Variants in MAST4 observed in about 807,000 individuals in gnomAD.
The protein encoded by MAST4 is microtubule associated serine/threonine kinase family member 4, also known as microtubule-associated serine/threonine-protein kinase 4.
MAST4 carries 89 observed loss-of-function variants against 162.7 expected under a neutral mutation model. The observed-to-expected ratio is 0.55, with a 90% CI of 0.46 to 0.65. MAST4 has a LOEUF of 0.65. Among genes scored for constraint, MAST4 ranks in the 30% least tolerant of loss-of-function variants. The probability of loss-of-function intolerance (pLI) is 0.00; values close to 1 mark genes in which losing one functional copy is unlikely to be tolerated. For synonymous variants in MAST4, 1,479 were observed against 1,361.1 expected (o/e 1.09, Z -1.91); for missense variants, 3,153 against 3,374.0 (o/e 0.93, Z 1.62).
chr5:66,837,023 C>CGTGT (rs544483226), intron 3 of MAST4, among the ~76,000 whole-genome samples: 1,619 of 144,654 alleles, frequency 0.011, 17 homozygotes, highest in Non-Finnish European at 0.014. Context: ...CATGCAGGAT[C>CGTGT]ATGTGTGTGT....
At chr5:67,015,028 A>G (rs1278931159) in intron 4 of MAST4, among the ~76,000 whole-genome samples, 1 of 152,188 alleles carries the variant, frequency 6.6e-6, no homozygotes, top group Admixed American at 6.5e-5. Context: ...GGATATAGAG[A>G]CATTCCATGG....
intron 4 of MAST4, among the ~76,000 whole-genome samples, chr5:67,039,459 C>T (rs972813041): frequency 6.6e-6 from 1 of 152,154 alleles, no homozygotes; most frequent in Admixed American, 6.5e-5. Context: ...GCAGGGAATG[C>T]AGAATGAGTT....
chr5:66,647,372 C>T (rs1187246584), intron 1 of MAST4, among the ~76,000 whole-genome samples: 3 of 152,078 alleles, frequency 2.0e-5, no homozygotes, highest in Non-Finnish European at 4.4e-5. Context: ...TCCTTGAGTA[C>T]GACATCAAAA....
chr5:67,116,459 G>A (rs1271149493), intron 12 of MAST4, among the ~76,000 whole-genome samples: 1 of 151,564 alleles, frequency 6.6e-6, no homozygotes, highest in Non-Finnish European at 1.5e-5. Context: ...GTCTGCCTCG[G>A]CCTCCCAAAG....
intron 1 of MAST4, among the ~76,000 whole-genome samples, chr5:66,742,572 GGAAGAC>G (rs1226569753): frequency 6.6e-6 from 1 of 152,138 alleles, no homozygotes; most frequent in Non-Finnish European, 1.5e-5. Flanking sequence ...GGGGCTGCCT[GGAAGAC>G]TCAAGGGACT....
chr5:66,851,147 C>T lies in MAST4; in HGVS notation c.643-48804C>T, dbSNP rs75987493. Among the ~76,000 whole-genome samples the T allele has an allele frequency of 6.4e-3, 967 of 152,282 alleles. 11 individuals are homozygous for T. Among genetic ancestry groups the T allele is most frequent in the African/African-American group, 0.022 (927 of 41,546 alleles). On this transcript the variant is annotated intron_variant, in intron 3 of 28. Coordinates refer to ENST00000403625, the MANE Select transcript of MAST4 (RefSeq NM_001164664.2). ...ATGGGATTTTAGCACAATATTCCAT[C>T]TTGGCCCTGTTTATTGTAAGAGCCA...
At chr5:66,995,900 C>T (rs970177119) in intron 4 of MAST4, among the ~76,000 whole-genome samples, 2 of 151,718 alleles carry the variant, frequency 1.3e-5, no homozygotes, top group African/African-American at 4.8e-5. Context: ...CACACACACA[C>T]ACACACACAC....
At chr5:66,961,523 GA>G (rs1335498440) in intron 4 of MAST4, among the ~76,000 whole-genome samples, 1 of 152,172 alleles carries the variant, frequency 6.6e-6, no homozygotes, top group Non-Finnish European at 1.5e-5. Flanking sequence ...TTAGGTGTGA[GA>G]CATCAAATAT....
intron 3 of MAST4, among the ~76,000 whole-genome samples, chr5:66,795,969 G>A (rs1755626976): frequency 6.6e-6 from 1 of 152,194 alleles, no homozygotes; most frequent in South Asian, 2.1e-4. Context: ...TACCCTCTGA[G>A]CTAGGTTCTG....
intron 4 of MAST4, among the ~76,000 whole-genome samples, chr5:67,002,820 C>G (rs1489925254): frequency 3.3e-5 from 5 of 151,910 alleles, no homozygotes; most frequent in Non-Finnish European, 5.9e-5. Flanking sequence ...AATTTTTGCT[C>G]TAAACCAGTG....
chr5:66,664,132 G>T (rs932650169), intron 1 of MAST4, among the ~76,000 whole-genome samples: 33 of 152,020 alleles, frequency 2.2e-4, no homozygotes, highest in African/African-American at 7.7e-4. Flanking sequence ...AGAAGAGAAG[G>T]TGCTGAAAAT....
At chr5:66,823,714 C>T (rs572198365) in intron 3 of MAST4, among the ~76,000 whole-genome samples, 4 of 152,146 alleles carry the variant, frequency 2.6e-5, no homozygotes, top group Admixed American at 2.0e-4. Flanking sequence ...CGGCTGGTCT[C>T]GAACTCCTGA....
intron 3 of MAST4, among the ~76,000 whole-genome samples, chr5:66,891,183 C>G (rs1762340016): frequency 6.6e-6 from 1 of 152,178 alleles, no homozygotes; most frequent in African/African-American, 2.4e-5. Flanking sequence ...CCGAAAGGCC[C>G]TCAGTGCTTT....
At chr5:66,896,527 T>C (rs992950152) in intron 3 of MAST4, among the ~76,000 whole-genome samples, 4 of 152,232 alleles carry the variant, frequency 2.6e-5, no homozygotes, top group Non-Finnish European at 4.4e-5. Context: ...AGTATCTACA[T>C]GTATTATTTG....
chr5:67,070,779 A>AGG (rs1760861110), intron 5 of MAST4, among the ~76,000 whole-genome samples: 1 of 152,180 alleles, frequency 6.6e-6, no homozygotes. Flanking sequence ...GTATGATAGC[A>AGG]AGATAGGCAG....
intron 1 of MAST4, among the ~76,000 whole-genome samples, chr5:66,631,732 G>A (rs1486337439): frequency 6.6e-6 from 1 of 152,156 alleles, no homozygotes; most frequent in Non-Finnish European, 1.5e-5. Context: ...TTTACATTTT[G>A]CATGATTTAA....
chr5:66,925,093 C>CT (rs1398266542), intron 4 of MAST4, among the ~76,000 whole-genome samples: 1 of 152,114 alleles, frequency 6.6e-6, no homozygotes, highest in Non-Finnish European at 1.5e-5. Flanking sequence ...TACTTTTAGA[C>CT]TTTTTTTCTA....
At chr5:67,079,696 T>G (rs200014659) in intron 5 of MAST4, among the ~76,000 whole-genome samples, 1 of 152,260 alleles carries the variant, frequency 6.6e-6, no homozygotes, top group Non-Finnish European at 1.5e-5. Context: ...AGTTCATTTT[T>G]GGGACTCTGT....
intron 14 of MAST4, among the ~76,000 whole-genome samples, chr5:67,124,607 C>T (rs1471730176): frequency 3.3e-5 from 5 of 152,182 alleles, no homozygotes; most frequent in Admixed American, 3.3e-4. Context: ...AATCCACCCA[C>T]AACTACTTCT....
Sources: allele counts gnomAD v4.1 joint callset (sites outside exome capture counted in the v4.1 genomes callset), GRCh38; gene constraint gnomAD v4.1.1; transcripts MANE v1.5; gene names NCBI Gene and HGNC (gene_info 2026-07-23, HGNC 2026-07-21).